The following PGRMC1 variants were observed in gnomAD, a reference collection of about 807,000 sequenced individuals.
PGRMC1 encodes the protein progesterone receptor membrane component 1.
For missense variants in PGRMC1, 145 were observed against 169.0 expected (o/e 0.86, Z 0.79); for synonymous variants, 73 against 77.3 (o/e 0.94, Z 0.29).
rs1364675639 is a variant in PGRMC1, at chrX:119,236,631, C to T, written c.268C>T (p.Leu90Phe). The T allele has an allele frequency of 3.3e-6, 4 of 1,207,137 alleles. No individual in the cohort carries two copies. Among genetic ancestry groups the T allele is most frequent in the South Asian group, 1.8e-5 (1 of 56,213 alleles). Residue 90 changes from leucine to phenylalanine, a missense_variant, in exon 1 of 3, where the codon CTC becomes TTC. Coordinates refer to ENST00000217971, the MANE Select transcript of PGRMC1 (RefSeq NM_006667.5). The stretch of plus-strand genomic sequence containing the variant: ...CGACGGCGTCCAGGACCCGCGCATA[C>T]TCATGGCCATCAACGGCAAGGTGTT... ...RFDGVQDPRI[L>F]MAINGKVFDV...
chrX:119,236,397 G>A lies in PGRMC1; in HGVS notation c.34G>A (p.Asp12Asn). The A allele has an allele frequency of 8.3e-7, 1 of 1,211,171 alleles. No homozygotes were observed. The highest frequency in any genetic ancestry group is 1.1e-6 in the Non-Finnish European group (1 of 895,050). ...CGAGGATGTGGTGGCGACTGGCGCC[G>A]ACCCAAGCGATCTGGAGAGCGGCGG... ...AAEDVVATGADPSDLESGGLL... is the reference protein window; with the variant it reads ...AAEDVVATGANPSDLESGGLL... The change falls in exon 1 of 3, where the codon GAC (aspartate) becomes AAC (asparagine). Residue 12 changes from aspartate to asparagine, a missense_variant. By Grantham distance (23) the Asp-to-Asn change is conservative. Transcript: ENST00000217971.
chrX:119,240,477 A>T lies in PGRMC1; in HGVS notation c.484+13A>T, dbSNP rs965821985. ...TCTCAGTTCACTTGTAAGCATTTTT[A>T]AAATTGTGTCTGGGTCAAATTTCTA... On this transcript the variant is annotated intron_variant, in intron 2 of 2. Transcript: ENST00000217971. The T allele has an allele frequency of 8.4e-6, 10 of 1,188,793 alleles. No individual in the cohort carries two copies. The highest frequency in any genetic ancestry group is 1.1e-5 in the Non-Finnish European group (10 of 874,860).
At position 119,240,310 on chromosome X, in the gene PGRMC1, G is replaced by A. The variant is rs753301385; in HGVS notation, c.330G>A (p.Glu110=). ...VTKGRKFYGP[E]GPYGVFAGRD... is the part of the protein sequence containing the mutation. ...TGATCTTTGGTTTTGTTTTTGAAGA[G>A]GGGCCGTATGGGGTCTTTGCTGGAA... Residue 110 remains glutamate, a splice_region_variant and synonymous_variant, in exon 2 of 3, where the codon GAG becomes GAA. Transcript: ENST00000217971. 2.5e-6 allele frequency: 3 copies of A among 1,208,104 alleles called. No homozygotes were observed. The African/African-American group carries it at 5.3e-5, about 21-fold the overall frequency.
At chrX:119,243,026 T>C in intron 2 of PGRMC1, 125 bp from the exon 3 acceptor site, 1 of 535,411 alleles carries the variant, frequency 1.9e-6, no homozygotes, top group East Asian at 3.6e-5. Flanking sequence ...CTTTGTATCC[T>C]TCAAGAAGCC....
At chrX:119,241,077 C>T (rs1419627447) in intron 2 of PGRMC1, among the ~76,000 whole-genome samples, 2 of 111,995 alleles carry the variant, frequency 1.8e-5, no homozygotes, top group Non-Finnish European at 3.8e-5. Flanking sequence ...TTTGAGAATT[C>T]AGGAATTGGT....
rs1198487686 is a variant in PGRMC1, at chrX:119,244,041, G to T, written c.*787G>T. ...GGTTATTTGGTTATTTTACTCAATTGGTTACTCTCATTTGAAATGAGGGAG... is the reference window on the plus strand; with the variant it reads ...GGTTATTTGGTTATTTTACTCAATTTGTTACTCTCATTTGAAATGAGGGAG... On this transcript the variant is annotated 3_prime_UTR_variant, in exon 3 of 3. Coordinates refer to ENST00000217971, the MANE Select transcript of PGRMC1 (RefSeq NM_006667.5). The T allele has an allele frequency of 8.9e-6, 1 of 111,959 alleles. No homozygotes were observed. Among genetic ancestry groups the T allele is most frequent in the Non-Finnish European group, 1.9e-5 (1 of 53,174 alleles). 9.2% of individuals were successfully genotyped at this position (111,959 alleles called of 1,213,427 possible). A position where few individuals can be genotyped will look rare whatever the true frequency, so the allele number is the denominator to read the frequency against.
In PGRMC1 at chrX:119,236,527, GCGACAGCGA is replaced by G; in HGVS notation, c.169_177del (p.Ser57_Asp59del). 1 of 1,210,052 alleles carries G rather than the reference GCGACAGCGA, an allele frequency of 8.3e-7. No homozygotes were observed. ...CGCGGGGACCAGCCGGCGGCCAGCG[GCGACAGCGA>G]CGACGACGAGCCGCCCCCTCTGCCC... On this transcript the variant is annotated inframe_deletion, in exon 1 of 3. Coordinates refer to ENST00000217971, the MANE Select transcript of PGRMC1 (RefSeq NM_006667.5).
At chrX:119,240,026 TA>T (rs1930783283) in intron 1 of PGRMC1, among the ~76,000 whole-genome samples, 1 of 112,111 alleles carries the variant, frequency 8.9e-6, no homozygotes, top group South Asian at 3.8e-4. Flanking sequence ...AAGAGATCAC[TA>T]ACCACGTATG....
At chrX:119,240,502 A>C in intron 2 of PGRMC1, 38 bp downstream of exon 2, 2 of 1,108,468 alleles carry the variant, frequency 1.8e-6, no homozygotes, top group South Asian at 3.7e-5. Flanking sequence ...TCAAATTTCT[A>C]CCAGTAATGG....
rs1254208233 is a variant in PGRMC1 at position 119,236,410 on chromosome X, T to G, written c.47T>G (p.Leu16Arg). Residue 16 changes from leucine (L) to arginine (R), a missense_variant, in exon 1 of 3, where the codon CTG becomes CGG. By Grantham distance (102) the Leu-to-Arg change is moderately radical. Transcript: ENST00000217971. The stretch of plus-strand genomic sequence containing the variant: ...GCGACTGGCGCCGACCCAAGCGATC[T>G]GGAGAGCGGCGGGCTGCTGCATGAG... Reference protein sequence around the residue: ...VVATGADPSDLESGGLLHEIF... With the variant: ...VVATGADPSDRESGGLLHEIF... The G allele has an allele frequency of 3.3e-6, 4 of 1,211,427 alleles. No homozygotes were observed. In the Admixed American group the frequency reaches 6.5e-5, roughly 20 times the overall value.
At position 119,243,734 on chromosome X, in the gene PGRMC1, G is replaced by T; in HGVS notation, c.*480G>T. On this transcript the variant is annotated 3_prime_UTR_variant, in exon 3 of 3. Coordinates refer to ENST00000217971, the MANE Select transcript of PGRMC1 (RefSeq NM_006667.5). ...AAATCTGCAGTGTTCCAAAGACTTT[G>T]GTATGGATTAAGCGCTGTCCAGTAA... is the stretch of plus-strand genomic sequence containing the variant. 1.3e-5 allele frequency: 2 copies of T among 150,335 alleles called. No homozygotes were observed. Among genetic ancestry groups the T allele is most frequent in the South Asian group, 1.6e-4 (1 of 6,078 alleles). 12.4% of individuals were successfully genotyped at this position (150,335 alleles called of 1,213,427 possible). A position where few individuals can be genotyped will look rare whatever the true frequency, so the allele number is the denominator to read the frequency against.
chrX:119,244,323 T>C lies in PGRMC1; in HGVS notation c.*1069T>C, dbSNP rs1166338225. ...AGTTGTATGAATTTGTAAAAGTATA[T>C]GAACACCTAGTGAGATTTCAAACTT... On this transcript the variant is annotated 3_prime_UTR_variant, in exon 3 of 3. Coordinates refer to ENST00000217971, the MANE Select transcript of PGRMC1 (RefSeq NM_006667.5). 1.8e-5 allele frequency: 2 copies of C among 112,641 alleles called. No individual in the cohort carries two copies. Among genetic ancestry groups the C allele is most frequent in the Non-Finnish European group, 3.8e-5 (2 of 53,274 alleles). 9.3% of individuals were successfully genotyped at this position (112,641 alleles called of 1,213,427 possible). A position where few individuals can be genotyped will look rare whatever the true frequency, so the allele number is the denominator to read the frequency against.
Position 119,238,286 on chromosome X carries a change from C to T in PGRMC1, c.328+1595C>T, listed in dbSNP as rs375316191. On this transcript the variant is annotated intron_variant, in intron 1 of 2. Coordinates refer to ENST00000217971, the MANE Select transcript of PGRMC1 (RefSeq NM_006667.5). The stretch of plus-strand genomic sequence containing the variant: ...CCCAGGCTGGTCTCGAACTCCTGGG[C>T]GCAAGCAGTCCTTCCACCTCCATTT... Among the ~76,000 whole-genome samples, 377 of 111,444 alleles carry T rather than the reference C, an allele frequency of 3.4e-3. 1 individual carries two copies. Among genetic ancestry groups the T allele is most frequent in the African/African-American group, 0.011 (336 of 30,629 alleles).
At chrX:119,242,527 G>A (rs1207597014) in intron 2 of PGRMC1, among the ~76,000 whole-genome samples, 2 of 110,869 alleles carry the variant, frequency 1.8e-5, no homozygotes, top group Non-Finnish European at 3.8e-5. Flanking sequence ...TGATAATATC[G>A]TTGTTAAAGC....
chrX:119,241,193 G>A (rs1294982654), intron 2 of PGRMC1, among the ~76,000 whole-genome samples: 2 of 112,447 alleles, frequency 1.8e-5, no homozygotes, highest in Non-Finnish European at 3.8e-5. Context: ...TAAAGACCAT[G>A]AGCATTATTT....
In PGRMC1 at chrX:119,236,335, A is replaced by AGC; in HGVS notation, c.-25_-24dup. On this transcript the variant is annotated 5_prime_UTR_variant, in exon 1 of 3. Coordinates refer to ENST00000217971, the MANE Select transcript of PGRMC1 (RefSeq NM_006667.5). ...AGTGGCGAGTTCCGGATCCCTGCCT[A>AGC]GCGCGGCCCAACCTTTACTCCAGAG... is the stretch of plus-strand genomic sequence containing the variant. 2 of 1,176,041 alleles carry AGC rather than the reference A, an allele frequency of 1.7e-6. No individual in the cohort carries two copies. The highest frequency in any genetic ancestry group is 2.3e-6 in the Non-Finnish European group (2 of 866,319).
chrX:119,242,170 A>C (rs1930832451), intron 2 of PGRMC1, among the ~76,000 whole-genome samples: 1 of 109,899 alleles, frequency 9.1e-6, no homozygotes, highest in African/African-American at 3.3e-5. Context: ...CTATCCCCAC[A>C]ATTGGATTGA....
rs779974469 is a variant in PGRMC1 at position 119,244,261 on chromosome X, G to C, written c.*1007G>C. ...GTCAAGTGTCTAGGTCTTTGATATT[G>C]CTCTTTTGGTTAACACTAAGCTTAA... On this transcript the variant is annotated 3_prime_UTR_variant, in exon 3 of 3. Coordinates refer to ENST00000217971, the MANE Select transcript of PGRMC1 (RefSeq NM_006667.5). The C allele has an allele frequency of 5.6e-4, 63 of 112,542 alleles. No homozygotes were observed. The highest frequency in any genetic ancestry group is 2.0e-3 in the African/African-American group (62 of 30,976). 9.3% of individuals were successfully genotyped at this position (112,542 alleles called of 1,213,427 possible).
chrX:119,238,005 T>C (rs895894832), intron 1 of PGRMC1, among the ~76,000 whole-genome samples: 4 of 111,035 alleles, frequency 3.6e-5, no homozygotes, highest in Non-Finnish European at 5.7e-5. Flanking sequence ...TTTTGGCTCC[T>C]CCAATATGGA....
Sources: gnomAD v4.1 joint callset for allele counts (sites outside exome capture counted in the v4.1 genomes callset) on GRCh38, gnomAD v4.1.1 for gene constraint, MANE v1.5 for transcripts, NCBI Gene and HGNC (gene_info 2026-07-23, HGNC 2026-07-21) for gene names.